Variants in MYO9B observed in about 807,000 individuals in gnomAD.
MYO9B encodes unconventional myosin-IXb.
Under a neutral mutation model 229.5 loss-of-function variants are expected in MYO9B, and 71 were observed. That is an observed-to-expected ratio of 0.31 (90% CI 0.26 to 0.38). The LOEUF is 0.38. Among genes scored for constraint, MYO9B ranks in the 10% least tolerant of loss-of-function variants. MYO9B has a pLI of 1.00. For missense variants in MYO9B, 2,255 were observed against 2,920.5 expected (o/e 0.77, Z 5.25); for synonymous variants, 1,185 against 1,235.8 (o/e 0.96, Z 0.86).
chr19:17,206,225 G>GGGGGGGC, intron 32 of MYO9B, 23 bp from the exon 33 acceptor site: 13 of 1,564,562 alleles, frequency 8.3e-6, no homozygotes, highest in African/African-American at 2.7e-5. Flanking sequence ...CCGCTCACCA[G>GGGGGGGC]ACCCACCCCA....
intron 2 of MYO9B, among the ~76,000 whole-genome samples, chr19:17,138,718 G>A (rs570041542): frequency 3.3e-5 from 5 of 152,302 alleles, no homozygotes; most frequent in South Asian, 2.1e-4. Flanking sequence ...GGAGAAATGC[G>A]TCATTGGGTG....
chr19:17,123,062 G>A (rs1027323335), intron 2 of MYO9B, among the ~76,000 whole-genome samples: 4 of 152,196 alleles, frequency 2.6e-5, no homozygotes, highest in Admixed American at 6.6e-5. Context: ...TCTCCAGCCT[G>A]GGGGACAGAG....
rs761243015 is a variant in MYO9B at position 17,195,081 on chromosome 19, C to T, written c.3654C>T (p.Pro1218=). ...TEAENTSQKQ[P]TEQPQAMAVG... is the part of the protein sequence containing the mutation. Reference sequence around the variant, plus strand: ...CTGAGAACACATCTCAAAAGCAGCCCACAGAGCAACCCCAGGCCATGGCAG... The same window carrying T: ...CTGAGAACACATCTCAAAAGCAGCCTACAGAGCAACCCCAGGCCATGGCAG... Residue 1218 remains proline, a synonymous_variant, in exon 22 of 40, where the codon CCC becomes CCT. Transcript: ENST00000682292. This position sits in a 1 kb window ranked among gnomAD's most constrained non-coding sequence, Gnocchi z 4.5. 1 of 1,612,918 alleles carries T rather than the reference C, an allele frequency of 6.2e-7. No individual in the cohort carries two copies. Among genetic ancestry groups the T allele is most frequent in the East Asian group, 2.2e-5 (1 of 44,872 alleles).
At chr19:17,206,227 C>T (rs1459088604) in intron 32 of MYO9B, 21 bp from the exon 33 acceptor site, 60 of 648,056 alleles carry the variant, frequency 9.3e-5, no homozygotes, top group South Asian at 1.6e-4. Flanking sequence ...GCTCACCAGA[C>T]CCACCCCACC....
At chr19:17,140,062 T>TTGGA (rs1017422653) in intron 2 of MYO9B, among the ~76,000 whole-genome samples, 7 of 150,844 alleles carry the variant, frequency 4.6e-5, no homozygotes, top group Admixed American at 1.3e-4. Flanking sequence ...GAAAAAATGA[T>TTGGA]TGGATGGATG....
At chr19:17,080,752 C>A (rs2057526869) in intron 1 of MYO9B, among the ~76,000 whole-genome samples, 1 of 151,916 alleles carries the variant, frequency 6.6e-6, no homozygotes, top group Non-Finnish European at 1.5e-5. Flanking sequence ...GCCTGTGGTC[C>A]CAGCACTTTA....
At chr19:17,146,046 G>A (rs2072405354) in intron 3 of MYO9B, among the ~76,000 whole-genome samples, 1 of 151,898 alleles carries the variant, frequency 6.6e-6, no homozygotes. Context: ...CAGATTTATG[G>A]ATGGATGGAT....
At chr19:17,091,679 A>C (rs1323843115) in intron 1 of MYO9B, among the ~76,000 whole-genome samples, 1 of 152,134 alleles carries the variant, frequency 6.6e-6, no homozygotes, top group Non-Finnish European at 1.5e-5. Flanking sequence ...TGAGCCTTGC[A>C]GGGGGCACGC....
chr19:17,154,085 G>C lies in MYO9B; in HGVS notation c.1098+19G>C. The C allele has an allele frequency of 1.2e-6, 2 of 1,600,538 alleles. No homozygotes were observed. Among genetic ancestry groups the C allele is most frequent in the Non-Finnish European group, 1.7e-6 (2 of 1,170,510 alleles). ...CAACCAGGTAAACAGCCTCAAGCCC[G>C]AGCCACAAACGCCACCTCTGTTCCC... On this transcript the variant is annotated intron_variant, in intron 5 of 39. Coordinates refer to ENST00000682292, the MANE Select transcript of MYO9B (RefSeq NM_004145.4).
intron 2 of MYO9B, among the ~76,000 whole-genome samples, chr19:17,110,508 C>T (rs1245389374): frequency 1.3e-5 from 2 of 152,230 alleles, no homozygotes; most frequent in African/African-American, 4.8e-5. Flanking sequence ...ACCAGGCACT[C>T]GCCTCGGTGC....
rs1201035011 is a variant in MYO9B, at chr19:17,172,199, G to A, written c.1794-137G>A. The A allele has an allele frequency of 9.1e-7, 1 of 1,102,712 alleles. No individual in the cohort carries two copies. Among genetic ancestry groups the A allele is most frequent in the Non-Finnish European group, 1.3e-6 (1 of 782,612 alleles). 68.3% of individuals were successfully genotyped at this position (1,102,712 alleles called of 1,614,324 possible). On this transcript the variant is annotated intron_variant, in intron 11 of 39. Transcript: ENST00000682292. The surrounding 1 kb of genome is among the most constrained non-coding windows in gnomAD (Gnocchi z 8.2). ...TCCTTCACCCACCCCTCTGTGCACAGAGCCCTGTGCCACTTCACTGCTCTG... is the reference window on the plus strand; with the variant it reads ...TCCTTCACCCACCCCTCTGTGCACAAAGCCCTGTGCCACTTCACTGCTCTG...
intron 1 of MYO9B, among the ~76,000 whole-genome samples, chr19:17,081,731 C>T (rs901755616): frequency 2.0e-5 from 3 of 151,326 alleles, no homozygotes; most frequent in African/African-American, 7.3e-5. Context: ...ATTGCTTGAA[C>T]CCAGGAGGCA....
chr19:17,082,968 A>G (rs1019510024), intron 1 of MYO9B, among the ~76,000 whole-genome samples: 1 of 150,540 alleles, frequency 6.6e-6, no homozygotes, highest in Non-Finnish European at 1.5e-5. Flanking sequence ...GGTTGGAACC[A>G]TGCTAACATG....
At chr19:17,165,589 T>A (rs910021396) in intron 10 of MYO9B, among the ~76,000 whole-genome samples, 1 of 151,346 alleles carries the variant, frequency 6.6e-6, no homozygotes, top group African/African-American at 2.4e-5. Flanking sequence ...AAAAAAAAAT[T>A]TGAGATGGAG....
intron 6 of MYO9B, among the ~76,000 whole-genome samples, chr19:17,155,429 C>G (rs534187149): frequency 1.3e-5 from 2 of 152,106 alleles, no homozygotes; most frequent in Non-Finnish European, 2.9e-5. Context: ...CATCCACCTG[C>G]GTAAGCCTCC....
chr19:17,191,025 C>G lies in MYO9B; in HGVS notation c.2689-72C>G, dbSNP rs187242678. The G allele has an allele frequency of 1.8e-4, 274 of 1,483,792 alleles. No individual in the cohort carries two copies. The African/African-American group carries it at 3.6e-3, about 19-fold the overall frequency. The allele number at this position is 1,483,792 out of a possible 1,614,324, so 91.9% of individuals were successfully genotyped here. ...CCCAGCTTCACCTTAACCAGGGTCA[C>G]CAGATCTCTGTCTCCTCATCGCTGG... On this transcript the variant is annotated intron_variant, in intron 19 of 39. Coordinates refer to ENST00000682292, the MANE Select transcript of MYO9B (RefSeq NM_004145.4).
chr19:17,089,224 C>T (rs1048853264), intron 1 of MYO9B, among the ~76,000 whole-genome samples: 6 of 151,508 alleles, frequency 4.0e-5, no homozygotes, highest in Non-Finnish European at 8.8e-5. Context: ...GTCATTCCTT[C>T]GTGTGTGTGT....
intron 36 of MYO9B, 146 bp downstream of exon 36, chr19:17,209,855 G>A: frequency 8.8e-7 from 1 of 1,130,902 alleles, no homozygotes. Flanking sequence ...GACCTCCCAT[G>A]CCGAGGATGG....
chr19:17,162,869 C>A, intron 9 of MYO9B, 119 bp from the exon 10 acceptor site: 2 of 1,138,246 alleles, frequency 1.8e-6, no homozygotes, highest in Non-Finnish European at 2.5e-6. Flanking sequence ...AAGTGTTCTG[C>A]CGAGCAACAG....
Sources: gnomAD v4.1 joint callset for allele counts (sites outside exome capture counted in the v4.1 genomes callset) on GRCh38, gnomAD v4.1.1 for gene constraint, Gnocchi (gnomAD v3.1) non-coding constraint, MANE v1.5 for transcripts, NCBI Gene and HGNC (gene_info 2026-07-23, HGNC 2026-07-21) for gene names.